The following CCDC91 variants were observed in gnomAD, a reference collection of about 807,000 sequenced individuals.
CCDC91 encodes coiled-coil domain-containing protein 91.
Under a neutral mutation model 63.2 loss-of-function variants are expected in CCDC91, and 48 were observed. The observed-to-expected ratio is 0.76, with a 90% CI of 0.60 to 0.97. CCDC91 has a LOEUF of 0.97. Ranked by LOEUF, CCDC91 falls within the 50% of genes least tolerant of loss-of-function variation. The pLI, the probability that CCDC91 is intolerant of heterozygous loss-of-function variation, is 0.00. For missense variants in CCDC91, 500 were observed against 494.6 expected, an observed-to-expected ratio of 1.01 and a Z score of -0.10; for synonymous variants, 167 against 165.8, an observed-to-expected ratio of 1.01 and a Z score of -0.06.
At chr12:28,544,854 G>C (rs1329776349) in intron 12 of CCDC91, among the ~76,000 whole-genome samples, 1 of 151,996 alleles carries the variant, frequency 6.6e-6, no homozygotes, top group Non-Finnish European at 1.5e-5. Context: ...GCAATGGCAT[G>C]AAACACTCAT....
At chr12:28,532,767 A>G (rs1941848071) in intron 12 of CCDC91, among the ~76,000 whole-genome samples, 1 of 152,090 alleles carries the variant, frequency 6.6e-6, no homozygotes, top group Non-Finnish European at 1.5e-5. Flanking sequence ...AGGGTCATAC[A>G]AGACCTAGTA....
intron 3 of CCDC91, among the ~76,000 whole-genome samples, chr12:28,273,328 G>A (rs1947922019): frequency 6.6e-6 from 1 of 152,196 alleles, no homozygotes; most frequent in Admixed American, 6.5e-5. Flanking sequence ...ATAGCAGCAT[G>A]ATTTATAATC....
chr12:28,352,410 G>C (rs1943242620), intron 6 of CCDC91, among the ~76,000 whole-genome samples: 3 of 152,096 alleles, frequency 2.0e-5, no homozygotes, highest in African/African-American at 7.2e-5. Flanking sequence ...TTTCAAAATT[G>C]GAGTAAGTTC....
At chr12:28,477,664 AGT>A (rs1951184197) in intron 11 of CCDC91, among the ~76,000 whole-genome samples, 1 of 152,296 alleles carries the variant, frequency 6.6e-6, no homozygotes, top group African/African-American at 2.4e-5. Context: ...GAAAAGAGGA[AGT>A]CAAATTATCC....
At chr12:28,534,218 AATG>A (rs1213375875) in intron 12 of CCDC91, among the ~76,000 whole-genome samples, 1 of 152,176 alleles carries the variant, frequency 6.6e-6, no homozygotes, top group Non-Finnish European at 1.5e-5. Context: ...AACTAAGAAT[AATG>A]ATCATAATTT....
At chr12:28,439,138 T>C (rs987761919) in intron 8 of CCDC91, among the ~76,000 whole-genome samples, 6 of 152,204 alleles carry the variant, frequency 3.9e-5, no homozygotes, top group Non-Finnish European at 8.8e-5. Flanking sequence ...TTTTTTCTCA[T>C]GCCTATCAGT....
chr12:28,311,850 T>A (rs528816918), intron 6 of CCDC91, among the ~76,000 whole-genome samples: 6 of 151,954 alleles, frequency 3.9e-5, no homozygotes, highest in Non-Finnish European at 8.8e-5. Flanking sequence ...TTTGTGCCTG[T>A]TGGTGTTTCC....
chr12:28,376,110 T>C (rs1470620950), intron 7 of CCDC91, among the ~76,000 whole-genome samples: 4 of 151,810 alleles, frequency 2.6e-5, no homozygotes, highest in African/African-American at 9.7e-5. Flanking sequence ...ATTTGTCGAG[T>C]TTTTCTTTTT....
chr12:28,457,410 T>A (rs905652882), intron 11 of CCDC91, among the ~76,000 whole-genome samples: 1 of 151,190 alleles, frequency 6.6e-6, no homozygotes. Context: ...AAAGCAACCA[T>A]AATTAATAGC....
intron 11 of CCDC91, among the ~76,000 whole-genome samples, chr12:28,455,283 C>T (rs1275737645): frequency 1.3e-5 from 2 of 151,776 alleles, no homozygotes; most frequent in Non-Finnish European, 2.9e-5. Context: ...TAGGAAAAGC[C>T]AATTGGAAAA....
At chr12:28,335,376 A>G (rs955361609) in intron 6 of CCDC91, among the ~76,000 whole-genome samples, 3 of 133,114 alleles carry the variant, frequency 2.3e-5, no homozygotes, top group Admixed American at 1.6e-4. Context: ...TATAAAATAT[A>G]TATTTATATA....
intron 8 of CCDC91, 117 bp from the exon 9 acceptor site, chr12:28,450,044 T>G: frequency 1.7e-6 from 1 of 585,838 alleles, no homozygotes; most frequent in Non-Finnish European, 3.0e-6. Flanking sequence ...GAAATTCTCA[T>G]TTTTTCCTTT....
chr12:28,508,928 A>C (rs961783777), intron 12 of CCDC91, among the ~76,000 whole-genome samples: 1 of 151,942 alleles, frequency 6.6e-6, no homozygotes, highest in African/African-American at 2.4e-5. Flanking sequence ...TGACCTAGAG[A>C]GTGGATTACA....
chr12:28,277,786 A>T (rs1384793511), intron 3 of CCDC91, among the ~76,000 whole-genome samples: 2 of 151,934 alleles, frequency 1.3e-5, no homozygotes, highest in Non-Finnish European at 2.9e-5. Flanking sequence ...ATGGTTTCCA[A>T]AATAATTTTT....
chr12:28,361,000 A>T (rs926434547), intron 6 of CCDC91, among the ~76,000 whole-genome samples: 1 of 151,074 alleles, frequency 6.6e-6, no homozygotes, highest in Non-Finnish European at 1.5e-5. Flanking sequence ...TGTGTTTTTT[A>T]TTTTAGTAGT....
chr12:28,381,594 G>A lies in CCDC91; in HGVS notation c.655-9710G>A, dbSNP rs547343143. On this transcript the variant is annotated intron_variant, in intron 7 of 12. Coordinates refer to ENST00000536442, the MANE Select transcript of CCDC91 (RefSeq NM_018318.5). ...ACTGTCAAATTGCTTTATAGCAATCGGAGGCAAATTCCATTTGAGAACTAA... is the reference window on the plus strand; with the variant it reads ...ACTGTCAAATTGCTTTATAGCAATCAGAGGCAAATTCCATTTGAGAACTAA... Among the ~76,000 whole-genome samples, 15 of 152,064 alleles carry A rather than the reference G, an allele frequency of 9.9e-5. No individual in the cohort carries two copies. The South Asian group carries it at 2.5e-3, about 25-fold the overall frequency.
At chr12:28,457,282 A>G (rs1451298961) in intron 11 of CCDC91, among the ~76,000 whole-genome samples, 1 of 151,952 alleles carries the variant, frequency 6.6e-6, no homozygotes, top group African/African-American at 2.4e-5. Flanking sequence ...CCAGGGACCT[A>G]CAAACTGTTT....
intron 12 of CCDC91, among the ~76,000 whole-genome samples, chr12:28,488,324 T>C (rs1951827925): frequency 6.6e-6 from 1 of 151,738 alleles, no homozygotes; most frequent in South Asian, 2.1e-4. Flanking sequence ...ACATTCAAAT[T>C]ACATCCTAAA....
At chr12:28,247,785 T>C (rs1363847318) in intron 1 of CCDC91, among the ~76,000 whole-genome samples, 1 of 152,146 alleles carries the variant, frequency 6.6e-6, no homozygotes, top group Non-Finnish European at 1.5e-5. Context: ...TGGAAGACAA[T>C]TTTTCTATGA....
Sources: allele counts gnomAD v4.1 joint callset (sites outside exome capture counted in the v4.1 genomes callset), GRCh38; gene constraint gnomAD v4.1.1; transcripts MANE v1.5; gene names NCBI Gene and HGNC (gene_info 2026-07-23, HGNC 2026-07-21).